The following LYPLA1 variants were observed in gnomAD, a reference collection of about 807,000 sequenced individuals.
The protein encoded by LYPLA1 is lysophospholipase 1.
A neutral mutation model predicts 34.0 loss-of-function variants in LYPLA1; 17 were observed. The ratio of observed to expected loss-of-function variants is 0.50; its 90% CI spans 0.34 to 0.75. The LOEUF is 0.75. Among genes scored for constraint, LYPLA1 ranks in the 30% least tolerant of loss-of-function variants. The pLI is 0.01. For synonymous variants in LYPLA1, 98 were observed against 100.8 expected, an observed-to-expected ratio of 0.97 and a Z score of 0.17; for missense variants, 203 against 288.8, an observed-to-expected ratio of 0.70 and a Z score of 2.15.
intron 2 of LYPLA1, among the ~76,000 whole-genome samples, chr8:54,093,611 G>A (rs767916516): frequency 2.0e-5 from 3 of 152,144 alleles, no homozygotes; most frequent in Non-Finnish European, 4.4e-5. Context: ...CTAGTTTGTG[G>A]TTATTTATAA....
At chr8:54,097,210 C>T (rs1262015127) in intron 2 of LYPLA1, among the ~76,000 whole-genome samples, 2 of 152,098 alleles carry the variant, frequency 1.3e-5, no homozygotes, top group South Asian at 2.1e-4. Context: ...ATCAAAAGAT[C>T]GAAGTTACAA....
chr8:54,066,063 A>G (rs1048183572), intron 2 of LYPLA1, among the ~76,000 whole-genome samples: 1 of 152,068 alleles, frequency 6.6e-6, no homozygotes, highest in Non-Finnish European at 1.5e-5. Context: ...CAGCCTCCCA[A>G]GTAGCCGGGA....
intron 2 of LYPLA1, among the ~76,000 whole-genome samples, chr8:54,066,470 T>G (rs1807077281): frequency 6.6e-6 from 1 of 151,998 alleles, no homozygotes; most frequent in South Asian, 2.1e-4. Context: ...GAGAAATAAT[T>G]AACATTTTAC....
At chr8:54,072,934 C>CAAAAAAAAAAAAAAAA in intron 2 of LYPLA1, among the ~76,000 whole-genome samples, 1 of 91,720 alleles carries the variant, frequency 1.1e-5, no homozygotes, top group Non-Finnish European at 2.8e-5. Context: ...AAGACTGAAT[C>CAAAAAAAAAAAAAAAA]AAAAAAAAAA....
rs1051749947 is a variant in LYPLA1, at chr8:54,100,967, C to T, written c.70-28G>A. 2.5e-6 allele frequency: 4 copies of T among 1,595,230 alleles called. No homozygotes were observed. In the African/African-American group the frequency reaches 4.0e-5, roughly 16 times the overall value. On this transcript the variant is annotated intron_variant, in intron 1 of 8. Coordinates refer to ENST00000316963, the MANE Select transcript of LYPLA1 (RefSeq NM_006330.4). ...ATAAGAGAAGAGGAAAATTAATAAG[C>T]AATGCCTAAATAAGCCCACACAGGA...
At chr8:54,072,677 A>G (rs972977567) in intron 2 of LYPLA1, among the ~76,000 whole-genome samples, 18 of 152,054 alleles carry the variant, frequency 1.2e-4, no homozygotes, top group African/African-American at 3.9e-4. Flanking sequence ...ACATGAACAG[A>G]CACTTTTCAA....
chr8:54,068,655 G>A lies in LYPLA1; in HGVS notation c.102-2842C>T, dbSNP rs555901324. On this transcript the variant is annotated intron_variant, in intron 2 of 8. Transcript: ENST00000316963. ...GGATATCCACATGTAATACAAAGAA[G>A]TTGGACTGCTACCTCATACCATATG... Among the ~76,000 whole-genome samples, 6 of 152,310 alleles carry A rather than the reference G, an allele frequency of 3.9e-5. No homozygotes were observed. In the South Asian group the frequency reaches 1.2e-3, roughly 32 times the overall value.
intron 2 of LYPLA1, chr8:54,072,977 A>G: frequency 2.8e-6 from 1 of 360,362 alleles, no homozygotes. Context: ...CAACAAGCAT[A>G]TGAAAACATG....
chr8:54,101,235 A>G (rs1456825398), intron 1 of LYPLA1: 4 of 677,368 alleles, frequency 5.9e-6, no homozygotes, highest in Non-Finnish European at 6.1e-6. Context: ...TTCAAGTGAA[A>G]TCAGGAACAT....
At chr8:54,075,981 G>A (rs1212832206) in intron 2 of LYPLA1, among the ~76,000 whole-genome samples, 2 of 152,100 alleles carry the variant, frequency 1.3e-5, no homozygotes, top group African/African-American at 2.4e-5. Context: ...TGTGTGCCAC[G>A]GTCACACTAT....
intron 2 of LYPLA1, among the ~76,000 whole-genome samples, chr8:54,092,542 TCCATAA>T (rs1809380187): frequency 6.6e-6 from 1 of 152,096 alleles, no homozygotes; most frequent in Non-Finnish European, 1.5e-5. Flanking sequence ...AGTTTTCCCA[TCCATAA>T]CCAGGAGCTA....
At position 54,082,851 on chromosome 8, in the gene LYPLA1, C is replaced by A. The variant is rs545365092; in HGVS notation, c.102-17038G>T. ...ACGCCATTCTCCCGCCTCAGCCTCC[C>A]AAGTAGCTGGGACTACAGGTACCCG... On this transcript the variant is annotated intron_variant, in intron 2 of 8. Coordinates refer to ENST00000316963, the MANE Select transcript of LYPLA1 (RefSeq NM_006330.4). Among the ~76,000 whole-genome samples, 179 of 151,942 alleles carry A rather than the reference C, an allele frequency of 1.2e-3. 2 individuals carry two copies. Among genetic ancestry groups the A allele is most frequent in the Non-Finnish European group, 1.8e-3 (120 of 67,920 alleles).
chr8:54,064,222 C>T (rs1806876548), intron 3 of LYPLA1, among the ~76,000 whole-genome samples: 1 of 151,824 alleles, frequency 6.6e-6, no homozygotes, highest in Non-Finnish European at 1.5e-5. Flanking sequence ...TGAGACCAGC[C>T]CGGCCAACAT....
intron 2 of LYPLA1, among the ~76,000 whole-genome samples, chr8:54,075,435 CCT>C (rs754322167): frequency 5.0e-4 from 76 of 152,298 alleles, no homozygotes; most frequent in Non-Finnish European, 7.1e-4. Context: ...CCGAGGGCCC[CCT>C]GATTGCAGCC....
At chr8:54,096,769 T>C (rs59087284) in intron 2 of LYPLA1, among the ~76,000 whole-genome samples, 19,936 of 146,812 alleles carry the variant, frequency 0.14, 3,503 homozygotes, top group African/African-American at 0.42. Context: ...ATTAGCCGGG[T>C]GTGGCGGCAC....
intron 2 of LYPLA1, among the ~76,000 whole-genome samples, chr8:54,077,409 G>C (rs1563624827): frequency 6.6e-6 from 1 of 152,196 alleles, no homozygotes; most frequent in East Asian, 1.9e-4. Flanking sequence ...TTATTACCTG[G>C]GTGACAAAAT....
chr8:54,075,672 T>G (rs1047811691), intron 2 of LYPLA1, among the ~76,000 whole-genome samples: 17 of 152,372 alleles, frequency 1.1e-4, no homozygotes, highest in Admixed American at 6.5e-4. Context: ...ACAATTATAC[T>G]TATTAGGCAT....
At chr8:54,075,415 C>T (rs948883424) in intron 2 of LYPLA1, among the ~76,000 whole-genome samples, 4 of 152,204 alleles carry the variant, frequency 2.6e-5, no homozygotes, top group African/African-American at 4.8e-5. Context: ...GTAAGAGACC[C>T]GGGAGCATCC....
intron 2 of LYPLA1, among the ~76,000 whole-genome samples, chr8:54,067,342 GA>G (rs935767526): frequency 4.6e-5 from 7 of 151,540 alleles, no homozygotes; most frequent in Non-Finnish European, 8.8e-5. Context: ...GAAAACTTAA[GA>G]AAAAAAAATT....
Sources: gnomAD v4.1 joint callset for allele counts (sites outside exome capture counted in the v4.1 genomes callset) on GRCh38, gnomAD v4.1.1 for gene constraint, MANE v1.5 for transcripts, NCBI Gene and HGNC (gene_info 2026-07-23, HGNC 2026-07-21) for gene names.